PDE4D: variants seen among roughly 807,000 people sequenced by gnomAD.
PDE4D encodes the protein 3',5'-cyclic-AMP phosphodiesterase 4D.
A neutral mutation model predicts 87.4 loss-of-function variants in PDE4D; 24 were observed. That is an observed-to-expected ratio of 0.27 (90% confidence interval 0.20 to 0.39). The LOEUF (loss-of-function observed/expected upper bound fraction) is 0.39. Among genes scored for constraint, PDE4D ranks in the 10% least tolerant of loss-of-function variants. The probability of loss-of-function intolerance (pLI) is 1.00; values close to 1 mark genes in which losing one functional copy is unlikely to be tolerated. For missense variants in PDE4D, 714 were observed against 1,041.0 expected, an observed-to-expected ratio of 0.69 and a Z score of 4.32; for synonymous variants, 384 against 383.2, an observed-to-expected ratio of 1.00 and a Z score of -0.02.
intron 1 of PDE4D, among the ~76,000 whole-genome samples, chr5:59,745,884 A>G (rs1020415289): frequency 6.6e-6 from 1 of 152,200 alleles, no homozygotes; most frequent in African/African-American, 2.4e-5. Flanking sequence ...AGTAAGAACC[A>G]ACAATTCAAA....
At chr5:59,512,174 A>C (rs1023715648) in intron 1 of PDE4D, among the ~76,000 whole-genome samples, 1 of 152,204 alleles carries the variant, frequency 6.6e-6, no homozygotes. Flanking sequence ...GTTGAATACC[A>C]TGTTGTAAAA....
intron 1 of PDE4D, among the ~76,000 whole-genome samples, chr5:60,337,032 T>C (rs937289279): frequency 1.4e-4 from 22 of 151,930 alleles, no homozygotes; most frequent in African/African-American, 5.1e-4. Context: ...AAAATATAAA[T>C]TGATAGGCTG....
At chr5:59,208,471 G>C (rs1423308) in intron 2 of PDE4D, among the ~76,000 whole-genome samples, 3 of 151,898 alleles carry the variant, frequency 2.0e-5, no homozygotes, top group Non-Finnish European at 4.4e-5. Flanking sequence ...CAATTAATTC[G>C]TTATTTTAAA....
intron 1 of PDE4D, among the ~76,000 whole-genome samples, chr5:59,818,466 TA>T (rs1374550107): frequency 6.6e-6 from 1 of 152,232 alleles, no homozygotes; most frequent in Non-Finnish European, 1.5e-5. Context: ...CTGCTACTAC[TA>T]TTACTATTGG....
intron 1 of PDE4D, among the ~76,000 whole-genome samples, chr5:60,381,563 G>A (rs574908775): frequency 3.1e-4 from 47 of 152,284 alleles, no homozygotes; most frequent in Middle Eastern, 3.4e-3. Flanking sequence ...TAATGTCAAA[G>A]ATGACACCAA....
At chr5:60,193,669 C>CAAAAAAAAAAAAAAAAAA (rs35340734) in intron 1 of PDE4D, among the ~76,000 whole-genome samples, 12 of 46,780 alleles carry the variant, frequency 2.6e-4, no homozygotes, top group East Asian at 5.3e-4. Flanking sequence ...GACTCCGTCT[C>CAAAAAAAAAAAAAAAAAA]AAAAAAAAAA....
chr5:60,452,392 T>G (rs1176943941), intron 1 of PDE4D, among the ~76,000 whole-genome samples: 1 of 152,110 alleles, frequency 6.6e-6, no homozygotes, highest in Non-Finnish European at 1.5e-5. Context: ...AAGAACCAAA[T>G]TAATCTGCAG....
rs572811052 is a variant in PDE4D at position 60,023,168 on chromosome 5, G to A, written c.43-34451C>T. 1.6e-4 allele frequency among the ~76,000 whole-genome samples: 24 copies of A among 152,178 alleles called. 1 individual carries two copies. Among genetic ancestry groups the A allele is most frequent in the Admixed American group, 7.2e-4 (11 of 15,278 alleles). On this transcript the variant is annotated intron_variant, in intron 2 of 16. Coordinates refer to the PDE4D transcript ENST00000502484. Reference sequence around the variant, plus strand: ...TAATAATAGCAGGATTTATCTCTTAGGTGTCTCATGAAGATTAAATTAGCT... The same window carrying A: ...TAATAATAGCAGGATTTATCTCTTAAGTGTCTCATGAAGATTAAATTAGCT...
At chr5:60,288,806 G>C (rs1752641571) in intron 1 of PDE4D, among the ~76,000 whole-genome samples, 1 of 152,122 alleles carries the variant, frequency 6.6e-6, no homozygotes, top group Non-Finnish European at 1.5e-5. Context: ...TTCTTGACAT[G>C]ATGACCATAA....
At chr5:60,131,880 C>A (rs542791618) in intron 2 of PDE4D, among the ~76,000 whole-genome samples, 386 of 152,290 alleles carry the variant, frequency 2.5e-3, no homozygotes, top group African/African-American at 8.6e-3. Context: ...GAAACTGGAG[C>A]CTTGTTAGCT....
At chr5:59,840,332 T>G (rs968286271) in intron 1 of PDE4D, among the ~76,000 whole-genome samples, 2 of 148,452 alleles carry the variant, frequency 1.3e-5, no homozygotes, top group African/African-American at 5.1e-5. Flanking sequence ...TCTGAAATGA[T>G]CCTCTGTGTG....
chr5:58,976,392 G>A lies in PDE4D; in HGVS notation c.1788C>T (p.Ser596=). The A allele has an allele frequency of 6.2e-7, 1 of 1,609,322 alleles. No individual in the cohort carries two copies. The highest frequency in any genetic ancestry group is 8.5e-7 in the Non-Finnish European group (1 of 1,177,916). ...AATTATCAAGAAGAAGAACTCCAGA[G>A]CTTGTCACTTTCTTAGTTTCAACCA... ...KTMVETKKVT[S]SGVLLLDNYS... is the part of the protein sequence containing the mutation. Residue 596 remains serine (S), a synonymous_variant, in exon 13 of 15, where the codon AGC becomes AGT. Transcript: ENST00000340635.
chr5:59,602,487 A>T lies in PDE4D; in HGVS notation c.455+290681T>A, dbSNP rs78638156. Among the ~76,000 whole-genome samples, 1,119 of 152,200 alleles carry T rather than the reference A, an allele frequency of 7.4e-3. 13 individuals carry two copies. The highest frequency in any genetic ancestry group is 0.024 in the African/African-American group (992 of 41,564). ...CGAACTATCTGAAAAAGAAATTTTT[A>T]AAATCCCATTTATAATAGTTACAAA... is the stretch of plus-strand genomic sequence containing the variant. On this transcript the variant is annotated intron_variant, in intron 1 of 14. Coordinates refer to ENST00000340635, the MANE Select transcript of PDE4D (RefSeq NM_001104631.2).
intron 1 of PDE4D, among the ~76,000 whole-genome samples, chr5:60,274,802 A>G (rs41504448): frequency 0.091 from 13,828 of 152,276 alleles, 644 homozygotes; most frequent in African/African-American, 0.13. Context: ...AGTTGTTTTC[A>G]CCTTGGCTGC....
At chr5:60,240,031 G>C (rs1746902152) in intron 1 of PDE4D, among the ~76,000 whole-genome samples, 1 of 152,068 alleles carries the variant, frequency 6.6e-6, no homozygotes, top group African/African-American at 2.4e-5. Context: ...ACTAGTAGCT[G>C]TAATGTTTCC....
At chr5:59,902,653 G>GA (rs1752399835) in intron 3 of PDE4D, among the ~76,000 whole-genome samples, 1 of 152,044 alleles carries the variant, frequency 6.6e-6, no homozygotes, top group African/African-American at 2.4e-5. Flanking sequence ...TATTGTATAA[G>GA]AAAAACCATA....
intron 2 of PDE4D, among the ~76,000 whole-genome samples, chr5:60,046,415 G>C (rs575064363): frequency 6.6e-6 from 1 of 152,114 alleles, no homozygotes; most frequent in African/African-American, 2.4e-5. Flanking sequence ...TGAATAGGAG[G>C]GGTGAGAGAA....
chr5:59,573,633 T>C (rs73758810), intron 1 of PDE4D, among the ~76,000 whole-genome samples: 4,253 of 152,106 alleles, frequency 0.028, 188 homozygotes, highest in African/African-American at 0.096. Flanking sequence ...TTTTCACCCT[T>C]AGAGCACTTG....
At chr5:58,978,633 T>C (rs1056406312) in intron 11 of PDE4D, among the ~76,000 whole-genome samples, 1 of 152,196 alleles carries the variant, frequency 6.6e-6, no homozygotes, top group African/African-American at 2.4e-5. Flanking sequence ...GAAATTCTAT[T>C]ATTTTATCGG....
Sources: gnomAD v4.1 joint callset for allele counts (sites outside exome capture counted in the v4.1 genomes callset) on GRCh38, gnomAD v4.1.1 for gene constraint, MANE v1.5 for transcripts, NCBI Gene and HGNC (gene_info 2026-07-23, HGNC 2026-07-21) for gene names.